Variants in IPO9 observed in about 807,000 individuals in gnomAD.
IPO9 encodes importin-9.
Under a neutral mutation model 128.6 loss-of-function variants are expected in IPO9, and 28 were observed. That is an observed-to-expected ratio of 0.22 (90% CI 0.16 to 0.30). The LOEUF (loss-of-function observed/expected upper bound fraction) is 0.30, where lower values mean the gene tolerates loss of function less well. Among genes scored for constraint, IPO9 ranks in the 10% least tolerant of loss-of-function variants. The pLI is 1.00. For synonymous variants in IPO9, 455 were observed against 475.8 expected (o/e 0.96, Z 0.57); for missense variants, 935 against 1,293.9 (o/e 0.72, Z 4.26).
chr1:201,867,007 G>A, intron 15 of IPO9, 48 bp downstream of exon 15: 3 of 1,447,752 alleles, frequency 2.1e-6, no homozygotes, highest in Non-Finnish European at 2.9e-6. Flanking sequence ...AAGAAAAGGT[G>A]GTGGCTGGTG....
chr1:201,853,227 T>C (rs1043863866), intron 6 of IPO9, 130 bp downstream of exon 6: 1 of 728,260 alleles, frequency 1.4e-6, no homozygotes, highest in African/African-American at 1.8e-5. Context: ...TTAACATTTT[T>C]ATTAAATTAT....
intron 14 of IPO9, among the ~76,000 whole-genome samples, chr1:201,865,896 T>G (rs1680546681): frequency 6.6e-6 from 1 of 152,140 alleles, no homozygotes; most frequent in Non-Finnish European, 1.5e-5. Flanking sequence ...GTTCGCTCCA[T>G]TTCCCACTTC....
rs141172151 is a variant in IPO9, at chr1:201,872,866, A to G, written c.2615A>G (p.Asn872Ser). The G allele has an allele frequency of 1.3e-4, 202 of 1,613,912 alleles. 2 individuals carry two copies. The highest frequency in any genetic ancestry group is 9.2e-4 in the South Asian group (84 of 91,052). ...ALCKLLQHGINADDKRLQDIR... is the reference protein window; with the variant it reads ...ALCKLLQHGISADDKRLQDIR... Reference sequence around the variant, plus strand: ...TGTAAGCTGCTCCAGCATGGCATCAATGCAGATGACAAACGGCTACAGGAT... The same window carrying G: ...TGTAAGCTGCTCCAGCATGGCATCAGTGCAGATGACAAACGGCTACAGGAT... Residue 872 changes from asparagine to serine, a missense_variant, in exon 20 of 24, where the codon AAT (asparagine) becomes AGT (serine). By Grantham distance (46) the Asn-to-Ser change is conservative. Coordinates refer to ENST00000361565, the MANE Select transcript of IPO9 (RefSeq NM_018085.5).
chr1:201,836,955 A>G (rs1235215657), intron 1 of IPO9, among the ~76,000 whole-genome samples: 3 of 152,218 alleles, frequency 2.0e-5, no homozygotes, highest in East Asian at 3.8e-4. Flanking sequence ...CTTTGCCATT[A>G]TATATCTGCT....
At chr1:201,865,890 G>A (rs927813693) in intron 14 of IPO9, among the ~76,000 whole-genome samples, 8 of 152,056 alleles carry the variant, frequency 5.3e-5, no homozygotes, top group Non-Finnish European at 1.2e-4. Flanking sequence ...TCAGGAGTTC[G>A]CTCCATTTCC....
chr1:201,833,395 C>A (rs1039830814), intron 1 of IPO9, among the ~76,000 whole-genome samples: 40 of 152,096 alleles, frequency 2.6e-4, no homozygotes, highest in African/African-American at 9.6e-4. Flanking sequence ...CGTACCAACA[C>A]GCCAGGCTAA....
intron 14 of IPO9, among the ~76,000 whole-genome samples, chr1:201,864,594 T>A (rs968528992): frequency 5.3e-5 from 8 of 152,354 alleles, no homozygotes; most frequent in African/African-American, 1.7e-4. Context: ...CTTTGTGTTG[T>A]GATTTTATGG....
intron 8 of IPO9, 21 bp downstream of exon 8, chr1:201,854,944 A>G: frequency 6.4e-7 from 1 of 1,565,652 alleles, no homozygotes; most frequent in Non-Finnish European, 8.7e-7. Flanking sequence ...TTGAAAGTTT[A>G]AGGGAGCTAC....
chr1:201,856,056 G>T, intron 10 of IPO9, 122 bp downstream of exon 10: 1 of 742,656 alleles, frequency 1.3e-6, no homozygotes, highest in Non-Finnish European at 2.0e-6. Context: ...ATAATTTCAT[G>T]TGAAGTTCTG....
chr1:201,850,981 A>G (rs1024742665), intron 4 of IPO9, among the ~76,000 whole-genome samples: 5 of 151,960 alleles, frequency 3.3e-5, no homozygotes, highest in African/African-American at 9.7e-5. Flanking sequence ...TTCCCCCAAA[A>G]TGTCCCAAGT....
At chr1:201,855,075 T>TTA (rs778081328) in intron 8 of IPO9, 49 bp from the exon 9 acceptor site, 5 of 1,357,352 alleles carry the variant, frequency 3.7e-6, no homozygotes, top group Non-Finnish European at 4.2e-6. Flanking sequence ...TCCATGTAGA[T>TTA]TATATGTAAA....
chr1:201,873,274 G>A (rs192789425), intron 20 of IPO9, among the ~76,000 whole-genome samples: 3 of 151,926 alleles, frequency 2.0e-5, no homozygotes, highest in African/African-American at 4.8e-5. Flanking sequence ...GTGAAATCCC[G>A]TCTTTACTAA....
chr1:201,853,827 C>T (rs10920265), intron 6 of IPO9, among the ~76,000 whole-genome samples: 32,191 of 152,196 alleles, frequency 0.21, 3,556 homozygotes, highest in South Asian at 0.26. Flanking sequence ...CAACGTCCGC[C>T]TCCCAGGTTC....
intron 20 of IPO9, among the ~76,000 whole-genome samples, chr1:201,873,514 G>A (rs113357555): frequency 2.0e-5 from 3 of 150,660 alleles, no homozygotes; most frequent in East Asian, 3.9e-4. Flanking sequence ...TTGGGAGGCC[G>A]AGGTGGGTGG....
chr1:201,854,557 G>C (rs771626295), intron 6 of IPO9, 38 bp from the exon 7 acceptor site: 2 of 1,608,644 alleles, frequency 1.2e-6, no homozygotes, highest in East Asian at 4.5e-5. Flanking sequence ...CCATGGATTA[G>C]GGGTTTGTCC....
intron 13 of IPO9, among the ~76,000 whole-genome samples, chr1:201,862,631 A>C (rs1337097308): frequency 6.6e-6 from 1 of 151,694 alleles, no homozygotes; most frequent in Non-Finnish European, 1.5e-5. Flanking sequence ...ACATGGAGAA[A>C]GCCCATCTCT....
At chr1:201,847,664 C>T (rs375339282) in intron 3 of IPO9, 26 bp downstream of exon 3, 200 of 1,502,598 alleles carry the variant, frequency 1.3e-4, no homozygotes, top group Non-Finnish European at 1.6e-4. Context: ...GATTAGTCTA[C>T]CTGAGGAGAT....
intron 6 of IPO9, among the ~76,000 whole-genome samples, chr1:201,853,481 C>G (rs552528661): frequency 1.3e-5 from 2 of 152,198 alleles, no homozygotes; most frequent in East Asian, 1.9e-4. Context: ...AGTCTTCCCC[C>G]CTCAGCCTCC....
Position 201,883,179 on chromosome 1 carries a change from C to CCA in IPO9, c.*7126_*7127insAC, listed in dbSNP as rs1553293545. 1 of 149,008 alleles carries CCA rather than the reference C, an allele frequency of 6.7e-6. No individual in the cohort carries two copies. The highest frequency in any genetic ancestry group is 1.5e-5 in the Non-Finnish European group (1 of 67,052). 9.2% of individuals were successfully genotyped at this position (149,008 alleles called of 1,614,324 possible). ...ATTTGCTTTCACTAGATTCCCCCCCCCCCAACAACTTAGTCCAAGAACATA... is the reference window on the plus strand; with the variant it reads ...ATTTGCTTTCACTAGATTCCCCCCCCCACCCAACAACTTAGTCCAAGAACATA... On this transcript the variant is annotated 3_prime_UTR_variant, in exon 24 of 24. Coordinates refer to ENST00000361565, the MANE Select transcript of IPO9 (RefSeq NM_018085.5).
Sources: allele counts gnomAD v4.1 joint callset (sites outside exome capture counted in the v4.1 genomes callset), GRCh38; gene constraint gnomAD v4.1.1; transcripts MANE v1.5; gene names NCBI Gene and HGNC (gene_info 2026-07-23, HGNC 2026-07-21).